PTPRD: variants seen among roughly 807,000 people sequenced by gnomAD.
PTPRD encodes receptor-type tyrosine-protein phosphatase delta.
A neutral mutation model predicts 214.5 loss-of-function variants in PTPRD; 34 were observed. The ratio of observed to expected loss-of-function variants is 0.16; its 90% CI spans 0.12 to 0.21. The LOEUF is 0.21. PTPRD is among the 10% of genes least tolerant of loss of function. The pLI is 1.00. For synonymous variants in PTPRD, 1,128 were observed against 845.7 expected, an observed-to-expected ratio of 1.33 and a Z score of -5.79; for missense variants, 2,545 against 2,398.7, an observed-to-expected ratio of 1.06 and a Z score of -1.27.
intron 7 of PTPRD, among the ~76,000 whole-genome samples, chr9:9,665,118 T>G (rs1450884601): frequency 6.6e-6 from 1 of 151,618 alleles, no homozygotes; most frequent in African/African-American, 2.4e-5. Context: ...TATGTGTGTA[T>G]GTGGGGAGAG....
At chr9:9,895,572 A>G (rs2074729885) in intron 5 of PTPRD, among the ~76,000 whole-genome samples, 1 of 152,048 alleles carries the variant, frequency 6.6e-6, no homozygotes, top group Non-Finnish European at 1.5e-5. Flanking sequence ...AATGGTGATA[A>G]CCAGAATCCA....
rs531811862 is a variant in PTPRD, at chr9:9,183,381, A to C, written c.-202-18T>G. 2 of 151,832 alleles carry C rather than the reference A, an allele frequency of 1.3e-5. No homozygotes were observed. The highest frequency in any genetic ancestry group is 4.1e-4 in the South Asian group (2 of 4,822). 9.4% of individuals were successfully genotyped at this position (151,832 alleles called of 1,614,324 possible). A position where few individuals can be genotyped will look rare whatever the true frequency, so the allele number is the denominator to read the frequency against. ...TTCAAAACCTAATTATAAAGATAGA[A>C]AGTAACAATTATTTAAAAAATATTT... On this transcript the variant is annotated intron_variant, in intron 9 of 45. Coordinates refer to ENST00000381196, the MANE Select transcript of PTPRD (RefSeq NM_002839.4).
At chr9:9,465,118 G>C (rs1284767411) in intron 8 of PTPRD, among the ~76,000 whole-genome samples, 1 of 152,072 alleles carries the variant, frequency 6.6e-6, no homozygotes, top group Non-Finnish European at 1.5e-5. Flanking sequence ...CCCTTTTGTG[G>C]TTTTCCTCAT....
At chr9:10,377,128 A>T (rs2097746323) in intron 2 of PTPRD, among the ~76,000 whole-genome samples, 1 of 151,430 alleles carries the variant, frequency 6.6e-6, no homozygotes, top group Non-Finnish European at 1.5e-5. Context: ...TCGTTTTTAG[A>T]TCCCACAAAT....
chr9:9,167,201 T>A (rs1421006889), intron 10 of PTPRD, among the ~76,000 whole-genome samples: 1 of 149,672 alleles, frequency 6.7e-6, no homozygotes, highest in Admixed American at 6.7e-5. Context: ...GTCATCCCTA[T>A]CAGATTGCAT....
At chr9:10,179,397 T>C (rs1295381621) in intron 3 of PTPRD, among the ~76,000 whole-genome samples, 2 of 152,006 alleles carry the variant, frequency 1.3e-5, no homozygotes, top group African/African-American at 2.4e-5. Context: ...CAGTAAGATA[T>C]GGAAACAAGG....
chr9:10,185,195 C>A (rs1382455678), intron 3 of PTPRD, among the ~76,000 whole-genome samples: 1 of 152,124 alleles, frequency 6.6e-6, no homozygotes, highest in Non-Finnish European at 1.5e-5. Context: ...GAGGTCCCAG[C>A]TGTTTGTGAA....
chr9:10,324,174 G>C (rs1449580088), intron 3 of PTPRD, among the ~76,000 whole-genome samples: 1 of 152,026 alleles, frequency 6.6e-6, no homozygotes, highest in Non-Finnish European at 1.5e-5. Context: ...TCTCTAAAGA[G>C]AGGGACTATA....
chr9:9,606,381 T>C (rs780868930), intron 7 of PTPRD, among the ~76,000 whole-genome samples: 6 of 152,082 alleles, frequency 3.9e-5, no homozygotes, highest in Admixed American at 2.6e-4. Context: ...CTTTAAAACA[T>C]AGTGTGTGTT....
chr9:10,260,623 T>C (rs780258603), intron 3 of PTPRD, among the ~76,000 whole-genome samples: 2 of 152,178 alleles, frequency 1.3e-5, no homozygotes, highest in Non-Finnish European at 2.9e-5. Flanking sequence ...AAATCTGTAG[T>C]CATGCAGTAG....
intron 39 of PTPRD, among the ~76,000 whole-genome samples, chr9:8,347,483 A>C (rs1275519962): frequency 6.6e-6 from 1 of 152,160 alleles, no homozygotes; most frequent in Non-Finnish European, 1.5e-5. Flanking sequence ...TTAAATAATC[A>C]CATGAATAAA....
At chr9:9,518,713 A>C (rs1002952911) in intron 8 of PTPRD, among the ~76,000 whole-genome samples, 3 of 152,026 alleles carry the variant, frequency 2.0e-5, no homozygotes, top group Non-Finnish European at 4.4e-5. Context: ...AAGAGTTTTA[A>C]TGTAATGCAT....
intron 11 of PTPRD, among the ~76,000 whole-genome samples, chr9:8,852,431 A>G (rs1014405959): frequency 6.6e-6 from 1 of 152,222 alleles, no homozygotes; most frequent in African/African-American, 2.4e-5. Flanking sequence ...CAATGAATTC[A>G]AAGAACTAAG....
At chr9:10,186,990 T>C (rs972511621) in intron 3 of PTPRD, among the ~76,000 whole-genome samples, 9 of 152,172 alleles carry the variant, frequency 5.9e-5, no homozygotes, top group African/African-American at 1.9e-4. Flanking sequence ...AAAAGGAATT[T>C]TGCTTTAATA....
chr9:9,972,384 C>T (rs1254277112), intron 4 of PTPRD, among the ~76,000 whole-genome samples: 4 of 152,128 alleles, frequency 2.6e-5, no homozygotes, highest in Non-Finnish European at 5.9e-5. Flanking sequence ...TTTTCTGTTT[C>T]GGTAACTGTC....
At chr9:8,823,198 T>C (rs1262856191) in intron 11 of PTPRD, among the ~76,000 whole-genome samples, 2 of 152,158 alleles carry the variant, frequency 1.3e-5, no homozygotes, top group Non-Finnish European at 2.9e-5. Context: ...TCAGGCTCCT[T>C]AGAAGTTTCA....
At chr9:8,704,224 G>C (rs539457074) in intron 12 of PTPRD, among the ~76,000 whole-genome samples, 1 of 152,128 alleles carries the variant, frequency 6.6e-6, no homozygotes, top group African/African-American at 2.4e-5. Context: ...ACGTTGTGCA[G>C]GGTTGGCTGC....
chr9:9,225,338 A>T (rs2099958734), intron 9 of PTPRD, among the ~76,000 whole-genome samples: 2 of 152,048 alleles, frequency 1.3e-5, no homozygotes, highest in African/African-American at 4.8e-5. Context: ...CAGTTTCAAT[A>T]AGACACACTG....
intron 7 of PTPRD, among the ~76,000 whole-genome samples, chr9:9,586,038 A>C (rs2091886366): frequency 6.6e-6 from 1 of 152,000 alleles, no homozygotes. Flanking sequence ...AGTGACCTGA[A>C]AATGTCCCCA....
Sources: allele counts gnomAD v4.1 joint callset (sites outside exome capture counted in the v4.1 genomes callset), GRCh38; gene constraint gnomAD v4.1.1; transcripts MANE v1.5; gene names NCBI Gene and HGNC (gene_info 2026-07-23, HGNC 2026-07-21).